SAA4: variants seen among roughly 807,000 people sequenced by gnomAD.
SAA4 encodes serum amyloid A4, constitutive.
In SAA4, 8 loss-of-function variants were observed where a neutral mutation model predicts 11.2. That is an observed-to-expected ratio of 0.71 (90% CI 0.42 to 1.29). The LOEUF (loss-of-function observed/expected upper bound fraction) is 1.29. SAA4 is among the 50% of genes most tolerant of loss of function. The pLI is 0.01. For synonymous variants in SAA4, 60 were observed against 56.2 expected (o/e 1.07, Z -0.30); for missense variants, 171 against 164.2 (o/e 1.04, Z -0.23).
At chr11:18,235,424 T>C (rs1857195232) in intron 2 of SAA4, among the ~76,000 whole-genome samples, 1 of 152,204 alleles carries the variant, frequency 6.6e-6, no homozygotes, top group Non-Finnish European at 1.5e-5. Flanking sequence ...GGCCATTTGC[T>C]TGGGTACAGG....
chr11:18,232,215 A>G (rs1342167429), intron 3 of SAA4, among the ~76,000 whole-genome samples, 180 bp downstream of exon 3: 1 of 152,048 alleles, frequency 6.6e-6, no homozygotes, highest in Non-Finnish European at 1.5e-5. Context: ...ACCTCTCCTC[A>G]GTTCTTACTT....
rs1009401027 is a variant in SAA4, at chr11:18,235,881, C to T, written c.46G>A (p.Val16Ile). 1.2e-6 allele frequency: 2 copies of T among 1,613,768 alleles called. No homozygotes were observed. Among genetic ancestry groups the T allele is most frequent in the Admixed American group, 3.3e-5 (2 of 59,978 alleles). ...GIVFCSLVMG[V>I]TSESWRSFFK... is the part of the protein sequence containing the mutation. Reference sequence around the variant, plus strand: ...AACGAACGCCAGCTTTCACTGGTGACTCCCATGACCAAGGAGCAGAAAACA... The same window carrying T: ...AACGAACGCCAGCTTTCACTGGTGATTCCCATGACCAAGGAGCAGAAAACA... Residue 16 changes from valine to isoleucine, a missense_variant, in exon 2 of 4, where the codon GTC becomes ATC. Coordinates refer to ENST00000278222, the MANE Select transcript of SAA4 (RefSeq NM_006512.4).
chr11:18,232,606 T>G (rs1466039266), intron 2 of SAA4, 73 bp from the exon 3 acceptor site: 2 of 1,546,074 alleles, frequency 1.3e-6, no homozygotes, highest in East Asian at 2.3e-5. Flanking sequence ...CATTTTCCAC[T>G]GATTTCCAGA....
At chr11:18,235,763 A>G in intron 2 of SAA4, 73 bp downstream of exon 2, 1 of 1,469,386 alleles carries the variant, frequency 6.8e-7, no homozygotes, top group Non-Finnish European at 9.4e-7. Flanking sequence ...AGGAGCACTC[A>G]CATCCAGTGA....
chr11:18,234,064 A>G (rs1445690006), intron 2 of SAA4, among the ~76,000 whole-genome samples: 1 of 152,358 alleles, frequency 6.6e-6, no homozygotes, highest in African/African-American at 2.4e-5. Flanking sequence ...AAATTGTGAT[A>G]TCAGTATACA....
At position 18,231,483 on chromosome 11, in the gene SAA4, G is replaced by C. The variant is rs1164604820; in HGVS notation, c.*19C>G. On this transcript the variant is annotated 3_prime_UTR_variant, in exon 4 of 4. Coordinates refer to ENST00000278222, the MANE Select transcript of SAA4 (RefSeq NM_006512.4). Reference sequence around the variant, plus strand: ...GTGGCTCACAGCCCAGTTTCCCTGAGAGCAGAGGAGCAGGAAGCTCAGTAT... The same window carrying C: ...GTGGCTCACAGCCCAGTTTCCCTGACAGCAGAGGAGCAGGAAGCTCAGTAT... The C allele has an allele frequency of 1.9e-6, 3 of 1,607,838 alleles. No individual in the cohort carries two copies. Among genetic ancestry groups the C allele is most frequent in the Admixed American group, 1.7e-5 (1 of 59,320 alleles).
intron 2 of SAA4, among the ~76,000 whole-genome samples, chr11:18,235,144 A>T (rs557248982): frequency 1.3e-5 from 2 of 152,370 alleles, no homozygotes; most frequent in South Asian, 4.1e-4. Context: ...GAAAAAATGA[A>T]AATTTATAAA....
rs1315266387 is a variant in SAA4 at position 18,232,509 on chromosome 11, T to C, written c.116A>G (p.Tyr39Cys). Residue 39 changes from tyrosine to cysteine, a missense_variant, in exon 3 of 4, where the codon TAT becomes TGT. Coordinates refer to ENST00000278222, the MANE Select transcript of SAA4 (RefSeq NM_006512.4). The part of the protein sequence containing the change: ...LQGVGDMGRA[Y>C]WDIMISNHQN... ...GTGATTGGATATCATTATGTCCCAA[T>C]AGGCTCTGCCCATGTCCCCAACCCC... 1.9e-6 allele frequency: 3 copies of C among 1,614,098 alleles called. No individual in the cohort carries two copies.
intron 2 of SAA4, 50 bp downstream of exon 2, chr11:18,235,786 T>C: frequency 1.9e-6 from 3 of 1,587,454 alleles, no homozygotes; most frequent in Non-Finnish European, 2.6e-6. Flanking sequence ...ATGTGGCCCC[T>C]GCTCAGAATG....
chr11:18,235,045 C>A (rs957961468), intron 2 of SAA4, among the ~76,000 whole-genome samples: 1 of 152,164 alleles, frequency 6.6e-6, no homozygotes, highest in African/African-American at 2.4e-5. Flanking sequence ...AAAAGATATT[C>A]TCTACTATGT....
chr11:18,232,943 A>T (rs925979439), intron 2 of SAA4, among the ~76,000 whole-genome samples: 1 of 152,248 alleles, frequency 6.6e-6, no homozygotes, highest in Non-Finnish European at 1.5e-5. Flanking sequence ...GGAATGTCAC[A>T]ATGGAGAATA....
At chr11:18,231,778 A>T in intron 3 of SAA4, 114 bp from the exon 4 acceptor site, 1 of 1,344,420 alleles carries the variant, frequency 7.4e-7, no homozygotes, top group Non-Finnish European at 9.9e-7. Context: ...GACTGAGAGG[A>T]GGCTGGAAAA....
At chr11:18,232,630 C>T in intron 2 of SAA4, 97 bp from the exon 3 acceptor site, 1 of 1,509,520 alleles carries the variant, frequency 6.6e-7, no homozygotes, top group Non-Finnish European at 8.9e-7. Flanking sequence ...TGGCCCTTGA[C>T]AAAATAATCC....
At chr11:18,234,782 A>G (rs1393741909) in intron 2 of SAA4, among the ~76,000 whole-genome samples, 1 of 152,184 alleles carries the variant, frequency 6.6e-6, no homozygotes, top group African/African-American at 2.4e-5. Context: ...TCTACTAGCA[A>G]GAGTTTTCTC....
At chr11:18,236,042 C>G in intron 1 of SAA4, 112 bp from the exon 2 acceptor site, 1 of 1,085,702 alleles carries the variant, frequency 9.2e-7, no homozygotes, top group Non-Finnish European at 1.3e-6. Flanking sequence ...TTCTTTCTTT[C>G]TCCTTCCTTT....
Position 18,231,470 on chromosome 11 carries a change from C to A in SAA4, c.*32G>T. The A allele has an allele frequency of 6.2e-7, 1 of 1,601,080 alleles. No individual in the cohort carries two copies. The highest frequency in any genetic ancestry group is 8.5e-7 in the Non-Finnish European group (1 of 1,175,174). The stretch of plus-strand genomic sequence containing the variant: ...GGGGGAGAAGTGTGTGGCTCACAGC[C>A]CAGTTTCCCTGAGAGCAGAGGAGCA... On this transcript the variant is annotated 3_prime_UTR_variant, in exon 4 of 4. Transcript: ENST00000278222.
Position 18,231,504 on chromosome 11 carries a change from A to C in SAA4, c.391T>G (p.Ter131GlyextTer13), listed in dbSNP as rs749038170. ...CTGAGAGCAGAGGAGCAGGAAGCTC[A>C]GTATTTCTTAGGCAGGCCGTCAGGT... ...FRPDGLPKKY* is the reference protein window; with the variant it reads ...FRPDGLPKKYG The change falls in exon 4 of 4, where the codon TGA (stop) becomes GGA (glycine). Residue 131 changes from the stop codon to glycine (G), a stop_lost. Transcript: ENST00000278222. 8.1e-6 allele frequency: 13 copies of C among 1,611,684 alleles called. No homozygotes were observed. The highest frequency in any genetic ancestry group is 1.1e-5 in the Non-Finnish European group (13 of 1,179,530).
chr11:18,231,630 A>T lies in SAA4; in HGVS notation c.265T>A (p.Cys89Ser). 6.2e-7 allele frequency: 1 copy of T among 1,614,034 alleles called. No individual in the cohort carries two copies. The highest frequency in any genetic ancestry group is 8.5e-7 in the Non-Finnish European group (1 of 1,179,994). The change falls in exon 4 of 4, where the codon TGC (cysteine) becomes AGC (serine). Residue 89 changes from cysteine (C) to serine (S), a missense_variant. Physicochemically the swap from Cys to Ser is moderately radical, Grantham distance 112. Coordinates refer to ENST00000278222, the MANE Select transcript of SAA4 (RefSeq NM_006512.4). ...SRVYLQGLIDCYLFGNSSTVL... is the reference protein window; with the variant it reads ...SRVYLQGLIDSYLFGNSSTVL... ...GTGCTGCTGTTTCCAAATAAATAGC[A>T]GTCTATTAATCCCTGAAGATAGACC...
chr11:18,231,975 T>C (rs1439687985), intron 3 of SAA4, among the ~76,000 whole-genome samples: 1 of 147,140 alleles, frequency 6.8e-6, no homozygotes. Flanking sequence ...CTCGACCTCC[T>C]GGGTTCAAGG....
Sources: allele counts gnomAD v4.1 joint callset (sites outside exome capture counted in the v4.1 genomes callset), GRCh38; gene constraint gnomAD v4.1.1; transcripts MANE v1.5; gene names NCBI Gene and HGNC (gene_info 2026-07-23, HGNC 2026-07-21).